The following KLF12 variants were observed in gnomAD, a reference collection of about 807,000 sequenced individuals.
The protein encoded by KLF12 is KLF transcription factor 12, also known as Krueppel-like factor 12.
In KLF12, 9 loss-of-function variants were observed where a neutral mutation model predicts 37.8. The ratio of observed to expected loss-of-function variants is 0.24; its 90% CI spans 0.14 to 0.42. The LOEUF is 0.42. KLF12 is among the 10% of genes least tolerant of loss of function. The probability of loss-of-function intolerance (pLI) is 1.00; values close to 1 mark genes in which losing one functional copy is unlikely to be tolerated. For missense variants in KLF12, 411 were observed against 516.0 expected, an observed-to-expected ratio of 0.80 and a Z score of 1.97; for synonymous variants, 208 against 202.1, an observed-to-expected ratio of 1.03 and a Z score of -0.25.
intron 3 of KLF12, among the ~76,000 whole-genome samples, chr13:73,881,503 T>C (rs1006710961): frequency 4.6e-5 from 7 of 152,158 alleles, no homozygotes; most frequent in African/African-American, 9.7e-5. Context: ...GATTTAGTTA[T>C]AGATTTGCCA....
chr13:74,200,260 C>A, the KLF12 span, among the ~76,000 whole-genome samples: 2 of 151,842 alleles, frequency 1.3e-5, no homozygotes, highest in African/African-American at 4.8e-5. Flanking sequence ...CAGAGTTCAC[C>A]AAGGGTGGAT....
Position 73,715,364 on chromosome 13 carries a change from G to GT in KLF12, c.1027+3dup. The GT allele has an allele frequency of 6.2e-7, 1 of 1,612,398 alleles. No homozygotes were observed. Among genetic ancestry groups the GT allele is most frequent in the Non-Finnish European group, 8.5e-7 (1 of 1,179,356 alleles). ...CACAGGTGAGAAGCCCTGCAGAGCG[G>GT]TACCTGTATGTGTCCTCCGGTGAGC... On this transcript the variant is annotated splice_donor_region_variant and intron_variant, in intron 7 of 7. Coordinates refer to ENST00000377669, the MANE Select transcript of KLF12 (RefSeq NM_007249.5).
chr13:73,934,481 T>C (rs778451483), intron 3 of KLF12, among the ~76,000 whole-genome samples: 1 of 152,230 alleles, frequency 6.6e-6, no homozygotes, highest in South Asian at 2.1e-4. Context: ...TATTGACCCA[T>C]ATGTTTACCA....
intron 1 of KLF12, among the ~76,000 whole-genome samples, chr13:74,042,633 TAATG>T (rs1203879332): frequency 6.6e-6 from 1 of 152,114 alleles, no homozygotes; most frequent in Non-Finnish European, 1.5e-5. Context: ...CTCAACGACT[TAATG>T]GATTGCCGAG....
chr13:74,191,678 G>A, the KLF12 span, among the ~76,000 whole-genome samples: 1 of 152,142 alleles, frequency 6.6e-6, no homozygotes, highest in South Asian at 2.1e-4. Flanking sequence ...TAGAAGACAA[G>A]TTAGAAAGTA....
the KLF12 span, among the ~76,000 whole-genome samples, chr13:74,189,363 G>T: frequency 1.3e-5 from 2 of 152,190 alleles, no homozygotes; most frequent in South Asian, 4.1e-4. Context: ...CCCAAAGAAC[G>T]TCTATATCTG....
chr13:73,859,111 A>T (rs1885770355), intron 3 of KLF12, among the ~76,000 whole-genome samples: 1 of 152,152 alleles, frequency 6.6e-6, no homozygotes, highest in South Asian at 2.1e-4. Context: ...CTCTGTCATT[A>T]GGTCTTTTCT....
At chr13:73,817,917 C>T (rs1289307185) in intron 4 of KLF12, among the ~76,000 whole-genome samples, 1 of 152,200 alleles carries the variant, frequency 6.6e-6, no homozygotes, top group Non-Finnish European at 1.5e-5. Flanking sequence ...GATTTGTTTA[C>T]TTTTAACAAC....
intron 1 of KLF12, among the ~76,000 whole-genome samples, chr13:74,114,123 G>A (rs1023448047): frequency 5.3e-5 from 8 of 152,128 alleles, no homozygotes; most frequent in African/African-American, 1.9e-4. Flanking sequence ...CAAAGTAAGT[G>A]GTTTCTTGAG....
At position 73,765,185 on chromosome 13, in the gene KLF12, T is replaced by A. The variant is rs528549266; in HGVS notation, c.807-185A>T. Among the ~76,000 whole-genome samples the A allele has an allele frequency of 4.6e-5, 7 of 152,282 alleles. No homozygotes were observed. The South Asian group carries it at 1.2e-3, about 27-fold the overall frequency. On this transcript the variant is annotated intron_variant, in intron 5 of 7. Coordinates refer to ENST00000377669, the MANE Select transcript of KLF12 (RefSeq NM_007249.5). ...CGCCTGCAAATCTGTGGTCCTTTTT[T>A]CCTTCTTAACCACTCTCAAGACAAC...
the KLF12 span, among the ~76,000 whole-genome samples, chr13:74,183,866 G>A: frequency 1.3e-5 from 2 of 152,164 alleles, no homozygotes; most frequent in Admixed American, 6.5e-5. Context: ...GAGCCTGGGG[G>A]ACGGAGGTTA....
chr13:73,916,541 C>G (rs1258007741), intron 3 of KLF12, among the ~76,000 whole-genome samples: 2 of 152,138 alleles, frequency 1.3e-5, no homozygotes, highest in Admixed American at 1.3e-4. Flanking sequence ...GAATGTAGCA[C>G]TTTTGGTACA....
intron 3 of KLF12, among the ~76,000 whole-genome samples, chr13:73,856,329 C>T (rs1274921932): frequency 1.3e-5 from 2 of 152,132 alleles, no homozygotes; most frequent in African/African-American, 4.8e-5. Flanking sequence ...CCATCAGAAA[C>T]AAGAATTTTA....
At chr13:74,220,102 T>A in the KLF12 span, among the ~76,000 whole-genome samples, 1 of 152,206 alleles carries the variant, frequency 6.6e-6, no homozygotes, top group African/African-American at 2.4e-5. Context: ...TTTTCCTACT[T>A]TTTGCCTTTT....
chr13:73,870,150 T>C (rs1377806681), intron 3 of KLF12, among the ~76,000 whole-genome samples: 3 of 152,178 alleles, frequency 2.0e-5, no homozygotes, highest in Non-Finnish European at 4.4e-5. Context: ...AAATTCTCAT[T>C]TTCCCCAGGT....
rs147136037 is a variant in KLF12 at position 74,116,177 on chromosome 13, T to C, written c.-32+17562A>G. Among the ~76,000 whole-genome samples, 150 of 152,300 alleles carry C rather than the reference T, an allele frequency of 9.8e-4. 1 individual carries two copies. Among genetic ancestry groups the C allele is most frequent in the African/African-American group, 3.0e-3 (125 of 41,560 alleles). On this transcript the variant is annotated intron_variant, in intron 1 of 7. Coordinates refer to ENST00000377669, the MANE Select transcript of KLF12 (RefSeq NM_007249.5). Reference sequence around the variant, plus strand: ...TCTTTGAAAAGGAACCACTGAGGCATAGCCAGAAAGCTTCACCAGCATTTT... The same window carrying C: ...TCTTTGAAAAGGAACCACTGAGGCACAGCCAGAAAGCTTCACCAGCATTTT...
chr13:73,917,061 C>G (rs1280500455), intron 3 of KLF12, among the ~76,000 whole-genome samples: 1 of 152,186 alleles, frequency 6.6e-6, no homozygotes, highest in Non-Finnish European at 1.5e-5. Context: ...TCAAACTTTG[C>G]AGCTACTGTC....
At chr13:74,249,154 G>T in the KLF12 span, among the ~76,000 whole-genome samples, 2 of 151,142 alleles carry the variant, frequency 1.3e-5, no homozygotes, top group Non-Finnish European at 2.9e-5. Context: ...TCTGCCTCAA[G>T]ATTTTTTTTT....
the KLF12 span, among the ~76,000 whole-genome samples, chr13:74,273,305 C>T: frequency 6.6e-6 from 1 of 151,900 alleles, no homozygotes; most frequent in African/African-American, 2.4e-5. Context: ...GAGTAATATC[C>T]CTTCTAATTT....
Sources: gnomAD v4.1 joint callset for allele counts (sites outside exome capture counted in the v4.1 genomes callset) on GRCh38, gnomAD v4.1.1 for gene constraint, MANE v1.5 for transcripts, NCBI Gene and HGNC (gene_info 2026-07-23, HGNC 2026-07-21) for gene names.